The following KCNJ15 variants were observed in gnomAD, a reference collection of about 807,000 sequenced individuals.
The protein encoded by KCNJ15 is potassium inwardly rectifying channel subfamily J member 15.
KCNJ15 carries 14 observed loss-of-function variants against 23.0 expected under a neutral mutation model. That is an observed-to-expected ratio of 0.61 (90% confidence interval 0.40 to 0.95). KCNJ15 has a LOEUF of 0.95. KCNJ15 is among the 40% of genes least tolerant of loss of function. The pLI is 0.00. For synonymous variants in KCNJ15, 185 were observed against 183.2 expected (o/e 1.01, Z -0.08); for missense variants, 388 against 461.8 (o/e 0.84, Z 1.46).
At chr21:38,240,804 T>G (rs1000706295) in intron 1 of KCNJ15, among the ~76,000 whole-genome samples, 2 of 152,194 alleles carry the variant, frequency 1.3e-5, no homozygotes, top group Non-Finnish European at 2.9e-5. Context: ...GCATCATACT[T>G]TGGCATTTAG....
upstream of KCNJ15, among the ~76,000 whole-genome samples, chr21:38,252,997 T>C (rs978202664): frequency 1.3e-5 from 2 of 152,158 alleles, no homozygotes; most frequent in East Asian, 1.9e-4. Flanking sequence ...CCTTGGGAAA[T>C]TGCATGCTCC....
chr21:38,271,916 T>C (rs1161734484), intron 1 of KCNJ15, among the ~76,000 whole-genome samples: 1 of 152,166 alleles, frequency 6.6e-6, no homozygotes, highest in African/African-American at 2.4e-5. Flanking sequence ...TAATAATTTC[T>C]CCACCGTTAG....
chr21:38,306,020 C>T lies in KCNJ15; in HGVS notation c.*5631C>T, dbSNP rs1986042598. 6.6e-6 allele frequency: 1 copy of T among 152,200 alleles called. No individual in the cohort carries two copies. The highest frequency in any genetic ancestry group is 1.5e-5 in the Non-Finnish European group (1 of 68,046). 9.4% of individuals were successfully genotyped at this position (152,200 alleles called of 1,614,324 possible). A position where few individuals can be genotyped will look rare whatever the true frequency, so the allele number is the denominator to read the frequency against. On this transcript the variant is annotated 3_prime_UTR_variant, in exon 3 of 3. Coordinates refer to ENST00000398938, the MANE Select transcript of KCNJ15 (RefSeq NM_170736.3). ...GTCTCCATAGTGAGGAATGGTCTTCCCTGGGGCATCACCCTAGAAGGATGG... is the reference window on the plus strand; with the variant it reads ...GTCTCCATAGTGAGGAATGGTCTTCTCTGGGGCATCACCCTAGAAGGATGG...
In KCNJ15 at chr21:38,302,198, A is replaced by G. The variant is rs1023962541; in HGVS notation, c.*1809A>G. On this transcript the variant is annotated 3_prime_UTR_variant, in exon 3 of 3. Coordinates refer to ENST00000398938, the MANE Select transcript of KCNJ15 (RefSeq NM_170736.3). ...TTCATGTCTATTTGGTTCTAGTTCTATAAAAATATGAACATTGGGACTCAG... is the reference window on the plus strand; with the variant it reads ...TTCATGTCTATTTGGTTCTAGTTCTGTAAAAATATGAACATTGGGACTCAG... 1 of 152,250 alleles carries G rather than the reference A, an allele frequency of 6.6e-6. No individual in the cohort carries two copies. Among genetic ancestry groups the G allele is most frequent in the East Asian group, 1.9e-4 (1 of 5,194 alleles). The allele number at this position is 152,250 out of a possible 1,614,324, so 9.4% of individuals were successfully genotyped here.
At chr21:38,269,367 A>G (rs916060657) in intron 1 of KCNJ15, among the ~76,000 whole-genome samples, 1 of 152,222 alleles carries the variant, frequency 6.6e-6, no homozygotes, top group African/African-American at 2.4e-5. Flanking sequence ...AAACTTGTAT[A>G]AACAAGAGTT....
In KCNJ15 at chr21:38,306,103, C is replaced by T. The variant is rs536867145; in HGVS notation, c.*5714C>T. The T allele has an allele frequency of 6.6e-6, 1 of 152,372 alleles. No individual in the cohort carries two copies. Among genetic ancestry groups the T allele is most frequent in the Admixed American group, 6.5e-5 (1 of 15,310 alleles). 9.4% of individuals were successfully genotyped at this position (152,372 alleles called of 1,614,324 possible). A position where few individuals can be genotyped will look rare whatever the true frequency, so the allele number is the denominator to read the frequency against. On this transcript the variant is annotated 3_prime_UTR_variant, in exon 3 of 3. Transcript: ENST00000398938. ...AGCCCAGATTCTCAAGCCCCAGTTGCAGAATTAGGCTGATGGTTTTACAAA... is the reference window on the plus strand; with the variant it reads ...AGCCCAGATTCTCAAGCCCCAGTTGTAGAATTAGGCTGATGGTTTTACAAA...
intron 1 of KCNJ15, among the ~76,000 whole-genome samples, chr21:38,258,624 C>T (rs1980538478): frequency 6.6e-6 from 1 of 152,232 alleles, no homozygotes; most frequent in Non-Finnish European, 1.5e-5. Context: ...ACAGACCTTT[C>T]TTCACTGAAT....
chr21:38,240,166 T>C (rs1002742039), intron 1 of KCNJ15, among the ~76,000 whole-genome samples: 1 of 151,604 alleles, frequency 6.6e-6, no homozygotes, highest in African/African-American at 2.4e-5. Context: ...TTTCCTGTTA[T>C]TTTTTTAATG....
Position 38,302,274 on chromosome 21 carries a change from T to C in KCNJ15, c.*1885T>C, listed in dbSNP as rs1368948843. On this transcript the variant is annotated 3_prime_UTR_variant, in exon 3 of 3. Coordinates refer to ENST00000398938, the MANE Select transcript of KCNJ15 (RefSeq NM_170736.3). The stretch of plus-strand genomic sequence containing the variant: ...TCAGGTTATCAGTGAAATGATGGTA[T>C]AGATTACAGCAAATCTGGATATATA... 6.6e-6 allele frequency: 1 copy of C among 152,238 alleles called. No individual in the cohort carries two copies. Among genetic ancestry groups the C allele is most frequent in the Non-Finnish European group, 1.5e-5 (1 of 68,040 alleles). 9.4% of individuals were successfully genotyped at this position (152,238 alleles called of 1,614,324 possible).
intron 1 of KCNJ15, among the ~76,000 whole-genome samples, chr21:38,267,617 A>G (rs552508621): frequency 1.3e-5 from 2 of 152,172 alleles, no homozygotes; most frequent in South Asian, 2.1e-4. Flanking sequence ...CTTGACTCAT[A>G]TATCAGAGAA....
intron 1 of KCNJ15, among the ~76,000 whole-genome samples, chr21:38,288,928 G>A (rs1162471082): frequency 6.6e-6 from 1 of 152,132 alleles, no homozygotes; most frequent in African/African-American, 2.4e-5. Flanking sequence ...AGCCGGGCGC[G>A]GTGGCTCACG....
intron 1 of KCNJ15, among the ~76,000 whole-genome samples, chr21:38,244,809 G>C (rs1207562969): frequency 6.6e-6 from 1 of 152,194 alleles, no homozygotes; most frequent in African/African-American, 2.4e-5. Context: ...TGCTGCTAAT[G>C]AGATGCTGGT....
At chr21:38,252,198 A>G (rs1393233482), upstream of KCNJ15, among the ~76,000 whole-genome samples, 1 of 152,204 alleles carries the variant, frequency 6.6e-6, no homozygotes, top group African/African-American at 2.4e-5. Flanking sequence ...ATCTTTACTT[A>G]AATAATCTTT....
intron 1 of KCNJ15, among the ~76,000 whole-genome samples, chr21:38,284,690 G>T (rs544059823): frequency 6.6e-6 from 1 of 152,150 alleles, no homozygotes; most frequent in Non-Finnish European, 1.5e-5. Context: ...TGGGGGTGAC[G>T]GTCCTCAAGG....
intron 1 of KCNJ15, among the ~76,000 whole-genome samples, chr21:38,265,117 G>T (rs570578990): frequency 6.6e-6 from 1 of 152,168 alleles, no homozygotes; most frequent in Non-Finnish European, 1.5e-5. Context: ...TCCTTCAAAC[G>T]CTATGTCTAG....
chr21:38,277,991 C>T (rs2836272), intron 1 of KCNJ15, among the ~76,000 whole-genome samples: 102,682 of 152,058 alleles, frequency 0.68, 35,078 homozygotes, highest in Non-Finnish European at 0.73. Context: ...CCTCAAAGAA[C>T]TTCTAGGGAA....
intron 1 of KCNJ15, among the ~76,000 whole-genome samples, chr21:38,286,956 C>T (rs1983973619): frequency 5.9e-5 from 9 of 152,204 alleles, no homozygotes; most frequent in Admixed American, 5.9e-4. Context: ...CTTGAAATAA[C>T]ATTGCTGCTC....
Position 38,236,405 on chromosome 21 carries a change from CA to C in KCNJ15, c.-398-20640del, listed in dbSNP as rs1978604741. Among the ~76,000 whole-genome samples, 9 of 152,288 alleles carry C rather than the reference CA, an allele frequency of 5.9e-5. No homozygotes were observed. In the South Asian group the frequency reaches 1.7e-3, roughly 28 times the overall value. ...GTATTACTGCACAAATACCCTCCAC[CA>C]GGGGGTAGGGGAGGAAGCCTGTATT... On this transcript the variant is annotated intron_variant, in intron 1 of 4. Transcript: ENST00000547341.
chr21:38,279,892 G>A (rs1361442463), intron 1 of KCNJ15, among the ~76,000 whole-genome samples: 1 of 152,182 alleles, frequency 6.6e-6, no homozygotes, highest in Admixed American at 6.5e-5. Context: ...CATTGCCAAG[G>A]TCTTTCAACT....
Sources: allele counts gnomAD v4.1 joint callset (sites outside exome capture counted in the v4.1 genomes callset), GRCh38; gene constraint gnomAD v4.1.1; transcripts MANE v1.5; gene names NCBI Gene and HGNC (gene_info 2026-07-23, HGNC 2026-07-21).